The following NRG3 variants were observed in gnomAD, a reference collection of about 807,000 sequenced individuals.
NRG3 encodes the protein pro-neuregulin-3, membrane-bound isoform.
NRG3 carries 31 observed loss-of-function variants against 66.9 expected under a neutral mutation model. That is an observed-to-expected ratio of 0.46 (90% CI 0.35 to 0.63). NRG3 has a LOEUF of 0.63. Among genes scored for constraint, NRG3 ranks in the 20% least tolerant of loss-of-function variants. The pLI, the probability that NRG3 is intolerant of heterozygous loss-of-function variation, is 0.00. For synonymous variants in NRG3, 393 were observed against 359.4 expected (o/e 1.09, Z -1.06); for missense variants, 910 against 878.9 (o/e 1.04, Z -0.45).
chr10:82,030,531 A>G (rs1276931836), intron 1 of NRG3, among the ~76,000 whole-genome samples: 1 of 152,082 alleles, frequency 6.6e-6, no homozygotes, highest in Admixed American at 6.6e-5. Context: ...AGGAGACTAA[A>G]TAGAAAGTCA....
At chr10:82,792,726 G>T (rs2060636194) in intron 3 of NRG3, among the ~76,000 whole-genome samples, 1 of 151,898 alleles carries the variant, frequency 6.6e-6, no homozygotes, top group Middle Eastern at 3.2e-3. Context: ...TGTAGCCCAG[G>T]CTGGAGTGCA....
At chr10:81,973,846 A>T (rs1252041074) in intron 1 of NRG3, among the ~76,000 whole-genome samples, 2 of 152,074 alleles carry the variant, frequency 1.3e-5, no homozygotes, top group African/African-American at 4.8e-5. Context: ...ATTTTCTCCC[A>T]TTCTGTAGGT....
chr10:82,704,125 CCTTT>C (rs1186937315), intron 2 of NRG3, among the ~76,000 whole-genome samples: 1 of 152,082 alleles, frequency 6.6e-6, no homozygotes, highest in Non-Finnish European at 1.5e-5. Context: ...TTTGTTCCTT[CCTTT>C]AAGTCTCTGT....
chr10:82,300,855 G>A (rs1279834689), intron 1 of NRG3, among the ~76,000 whole-genome samples: 1 of 152,070 alleles, frequency 6.6e-6, no homozygotes, highest in Non-Finnish European at 1.5e-5. Flanking sequence ...TGGTGCAGTG[G>A]TGTCCACTTG....
chr10:82,276,620 T>C (rs773565024), intron 1 of NRG3, among the ~76,000 whole-genome samples: 1 of 152,056 alleles, frequency 6.6e-6, no homozygotes, highest in Non-Finnish European at 1.5e-5. Context: ...GGAGCTCATC[T>C]TTAAATAGAA....
chr10:82,378,293 G>A (rs1237972567), intron 2 of NRG3, among the ~76,000 whole-genome samples: 2 of 152,210 alleles, frequency 1.3e-5, no homozygotes, highest in African/African-American at 4.8e-5. Flanking sequence ...GTGGGAGACA[G>A]GAACTGTTGT....
chr10:82,882,352 G>A (rs974865746), intron 4 of NRG3, among the ~76,000 whole-genome samples: 3 of 152,210 alleles, frequency 2.0e-5, no homozygotes. Flanking sequence ...TCCAGGTGAA[G>A]ATGAGGCTCT....
intron 2 of NRG3, among the ~76,000 whole-genome samples, chr10:82,566,636 T>C (rs2045423646): frequency 6.6e-6 from 1 of 151,968 alleles, no homozygotes; most frequent in African/African-American, 2.4e-5. Context: ...CCCAAAATGC[T>C]CTGACGAACT....
intron 1 of NRG3, among the ~76,000 whole-genome samples, chr10:82,055,824 G>A (rs2063820398): frequency 6.6e-6 from 1 of 152,176 alleles, no homozygotes; most frequent in African/African-American, 2.4e-5. Context: ...CTAGTGAAGG[G>A]ACTGGAGATA....
chr10:81,918,507 A>T (rs954319946), intron 1 of NRG3, among the ~76,000 whole-genome samples: 2 of 152,066 alleles, frequency 1.3e-5, no homozygotes, highest in African/African-American at 2.4e-5. Context: ...TTTCCCTATT[A>T]CCCTGTGTTC....
intron 1 of NRG3, among the ~76,000 whole-genome samples, chr10:82,093,404 C>G (rs1264486716): frequency 6.6e-6 from 1 of 152,178 alleles, no homozygotes; most frequent in African/African-American, 2.4e-5. Flanking sequence ...GTGCCAATCT[C>G]TTTAACTTGG....
At chr10:82,958,104 C>G (rs527983281) in intron 5 of NRG3, among the ~76,000 whole-genome samples, 13 of 152,212 alleles carry the variant, frequency 8.5e-5, no homozygotes, top group Non-Finnish European at 1.6e-4. Flanking sequence ...CAGAACCCTA[C>G]AGCAGTTTCA....
At chr10:82,156,785 A>G (rs1236699424) in intron 1 of NRG3, among the ~76,000 whole-genome samples, 3 of 151,662 alleles carry the variant, frequency 2.0e-5, no homozygotes, top group Non-Finnish European at 3.0e-5. Flanking sequence ...TTACATTTTA[A>G]TAGCTATTAA....
intron 1 of NRG3, among the ~76,000 whole-genome samples, chr10:82,056,340 A>T (rs2063846486): frequency 6.6e-6 from 1 of 152,162 alleles, no homozygotes; most frequent in African/African-American, 2.4e-5. Context: ...ATTTGAAAAA[A>T]AAAATTAGTG....
intron 2 of NRG3, among the ~76,000 whole-genome samples, chr10:82,428,219 C>A (rs2089572781): frequency 6.6e-6 from 1 of 151,692 alleles, no homozygotes; most frequent in Middle Eastern, 3.4e-3. Flanking sequence ...TTATTATTTT[C>A]TTTTCTTCTG....
At chr10:82,611,682 G>T (rs940852504) in intron 2 of NRG3, among the ~76,000 whole-genome samples, 1 of 152,100 alleles carries the variant, frequency 6.6e-6, no homozygotes, top group Non-Finnish European at 1.5e-5. Flanking sequence ...TGGACATTTG[G>T]GTTGGTTCCA....
At position 82,511,731 on chromosome 10, in the gene NRG3, G is replaced by T. The variant is rs561408972; in HGVS notation, c.953+152863G>T. Among the ~76,000 whole-genome samples the T allele has an allele frequency of 9.2e-5, 14 of 152,262 alleles. No homozygotes were observed. The South Asian group carries it at 2.5e-3, about 27-fold the overall frequency. ...AAGGACAGAACAAATCCTTCACGTA[G>T]CCTTGGATGTCCTTGTTCTGCCCTG... On this transcript the variant is annotated intron_variant, in intron 2 of 8. Transcript: ENST00000372141.
chr10:82,839,267 C>T (rs2062936797), intron 3 of NRG3, among the ~76,000 whole-genome samples: 1 of 152,082 alleles, frequency 6.6e-6, no homozygotes, highest in Non-Finnish European at 1.5e-5. Context: ...ATAGGATACT[C>T]TAATATTCAG....
chr10:82,908,903 A>G (rs1029691529), intron 4 of NRG3, among the ~76,000 whole-genome samples: 1 of 147,602 alleles, frequency 6.8e-6, no homozygotes, highest in Non-Finnish European at 1.5e-5. Context: ...TGTAGTGAGT[A>G]GACACCACGC....
Sources: gnomAD v4.1 joint callset for allele counts (sites outside exome capture counted in the v4.1 genomes callset) on GRCh38, gnomAD v4.1.1 for gene constraint, MANE v1.5 for transcripts, NCBI Gene and HGNC (gene_info 2026-07-23, HGNC 2026-07-21) for gene names.